HS6ST3: variants seen among roughly 807,000 people sequenced by gnomAD.
The protein encoded by HS6ST3 is heparan sulfate 6-O-sulfotransferase 3.
In HS6ST3, 12 loss-of-function variants were observed where a neutral mutation model predicts 36.7. That is an observed-to-expected ratio of 0.33 (90% CI 0.21 to 0.53). The LOEUF (loss-of-function observed/expected upper bound fraction) is 0.53, where lower values mean the gene tolerates loss of function less well. Ranked by LOEUF, HS6ST3 falls within the 20% of genes least tolerant of loss-of-function variation. The pLI is 0.95. For missense variants in HS6ST3, 584 were observed against 640.9 expected (o/e 0.91, Z 0.96); for synonymous variants, 240 against 257.5 (o/e 0.93, Z 0.65).
chr13:96,788,026 A>T (rs1877694177), intron 1 of HS6ST3, among the ~76,000 whole-genome samples: 1 of 151,864 alleles, frequency 6.6e-6, no homozygotes, highest in Non-Finnish European at 1.5e-5. Context: ...CCTCCATTTA[A>T]TTGTTTTTTC....
intron 1 of HS6ST3, among the ~76,000 whole-genome samples, chr13:96,708,728 C>A (rs898234385): frequency 2.6e-5 from 4 of 152,188 alleles, no homozygotes; most frequent in African/African-American, 4.8e-5. Flanking sequence ...AGATTCAGTT[C>A]TTTTCAACTC....
At chr13:96,313,389 T>C (rs939969001) in intron 1 of HS6ST3, among the ~76,000 whole-genome samples, 1 of 151,942 alleles carries the variant, frequency 6.6e-6, no homozygotes, top group Admixed American at 6.6e-5. Flanking sequence ...ATCCCTATCA[T>C]GTTTAAAGGC....
intron 1 of HS6ST3, among the ~76,000 whole-genome samples, chr13:96,557,600 A>C (rs2056245844): frequency 6.6e-6 from 1 of 152,070 alleles, no homozygotes; most frequent in Admixed American, 6.6e-5. Context: ...TTGCAAGTAC[A>C]TGAAGAATAA....
intron 1 of HS6ST3, among the ~76,000 whole-genome samples, chr13:96,478,188 A>C (rs2055873361): frequency 6.6e-6 from 1 of 152,152 alleles, no homozygotes; most frequent in South Asian, 2.1e-4. Flanking sequence ...ACTGATGGGA[A>C]CATTGGAAGA....
At chr13:96,526,729 T>G (rs2056115896) in intron 1 of HS6ST3, among the ~76,000 whole-genome samples, 1 of 152,222 alleles carries the variant, frequency 6.6e-6, no homozygotes, top group Non-Finnish European at 1.5e-5. Flanking sequence ...CATAAGTTTT[T>G]CTTCATATCA....
At chr13:96,706,821 G>A (rs183258726) in intron 1 of HS6ST3, among the ~76,000 whole-genome samples, 1 of 152,214 alleles carries the variant, frequency 6.6e-6, no homozygotes, top group Admixed American at 6.5e-5. Flanking sequence ...GTCTAGTTCT[G>A]ATTGTACCAA....
intron 1 of HS6ST3, among the ~76,000 whole-genome samples, chr13:96,177,359 A>G (rs1467500269): frequency 6.6e-6 from 1 of 152,186 alleles, no homozygotes; most frequent in African/African-American, 2.4e-5. Context: ...TAGCAAAGAC[A>G]TGGAATCCAC....
chr13:96,183,435 CTCT>C (rs1309667364), intron 1 of HS6ST3, among the ~76,000 whole-genome samples: 2 of 152,148 alleles, frequency 1.3e-5, no homozygotes, highest in African/African-American at 2.4e-5. Context: ...TGTTTTTCAA[CTCT>C]TCTTTCCAGT....
At chr13:96,333,871 A>C (rs906637830) in intron 1 of HS6ST3, among the ~76,000 whole-genome samples, 2 of 152,180 alleles carry the variant, frequency 1.3e-5, no homozygotes, top group African/African-American at 4.8e-5. Flanking sequence ...ACAGGGTAAC[A>C]GCAAGCTGGA....
At chr13:96,560,551 A>C (rs555694803) in intron 1 of HS6ST3, among the ~76,000 whole-genome samples, 1 of 152,312 alleles carries the variant, frequency 6.6e-6, no homozygotes, top group African/African-American at 2.4e-5. Flanking sequence ...AAGAAGTAAA[A>C]ATTCATCCAA....
intron 1 of HS6ST3, among the ~76,000 whole-genome samples, chr13:96,508,366 CT>C (rs2056035232): frequency 1.3e-5 from 2 of 152,036 alleles, no homozygotes; most frequent in Non-Finnish European, 2.9e-5. Flanking sequence ...TCCACAACCC[CT>C]GGCATAATTT....
At chr13:96,520,614 G>A (rs2056089426) in intron 1 of HS6ST3, among the ~76,000 whole-genome samples, 1 of 152,070 alleles carries the variant, frequency 6.6e-6, no homozygotes, top group Non-Finnish European at 1.5e-5. Flanking sequence ...TCTCTCAGTA[G>A]CAATTGTGAA....
At chr13:96,316,029 G>A (rs2054967265) in intron 1 of HS6ST3, among the ~76,000 whole-genome samples, 2 of 152,126 alleles carry the variant, frequency 1.3e-5, no homozygotes, top group African/African-American at 2.4e-5. Context: ...TCATTATTGT[G>A]TTGATATTTA....
In HS6ST3 at chr13:96,764,400, C is replaced by A. The variant is rs528926225; in HGVS notation, c.708-68090C>A. Among the ~76,000 whole-genome samples the A allele has an allele frequency of 7.7e-4, 118 of 152,292 alleles. 1 individual carries two copies. Among genetic ancestry groups the A allele is most frequent in the Middle Eastern group, 3.4e-3 (1 of 294 alleles). On this transcript the variant is annotated intron_variant, in intron 1 of 1. Coordinates refer to ENST00000376705, the MANE Select transcript of HS6ST3 (RefSeq NM_153456.4). ...GCTTCCCAAAGCACCTGAAACCAAG[C>A]CTCATTATCATTTCTTTAAATAGAT... is the stretch of plus-strand genomic sequence containing the variant.
rs1336681058 is a variant in HS6ST3, at chr13:96,837,621, A to G, written c.*4423A>G. On this transcript the variant is annotated 3_prime_UTR_variant, in exon 2 of 2. Transcript: ENST00000376705. ...AATGCCAAAGACACTGGTCAAGTTT[A>G]CTCTCAGCTCCCTACCTCCAGTGAG... is the stretch of plus-strand genomic sequence containing the variant. 1 of 152,120 alleles carries G rather than the reference A, an allele frequency of 6.6e-6. No homozygotes were observed. The highest frequency in any genetic ancestry group is 6.6e-5 in the Admixed American group (1 of 15,264). The allele number at this position is 152,120 out of a possible 1,614,324, so 9.4% of individuals were successfully genotyped here.
chr13:96,750,468 A>G (rs896725424), intron 1 of HS6ST3, among the ~76,000 whole-genome samples: 12 of 152,238 alleles, frequency 7.9e-5, no homozygotes, highest in African/African-American at 2.7e-4. Context: ...GCGAAGATAA[A>G]GGCATAAGCC....
chr13:96,515,445 C>T (rs1475649035), intron 1 of HS6ST3, among the ~76,000 whole-genome samples: 1 of 152,194 alleles, frequency 6.6e-6, no homozygotes, highest in Non-Finnish European at 1.5e-5. Flanking sequence ...TTATTCTTTC[C>T]TGCACATGCA....
intron 1 of HS6ST3, among the ~76,000 whole-genome samples, chr13:96,319,415 T>C (rs1566322963): frequency 6.6e-6 from 1 of 152,244 alleles, no homozygotes; most frequent in Non-Finnish European, 1.5e-5. Context: ...ATTTGGGTTG[T>C]TTGAATGTTT....
At chr13:96,689,733 AAG>A (rs1261456611) in intron 1 of HS6ST3, among the ~76,000 whole-genome samples, 39 of 151,574 alleles carry the variant, frequency 2.6e-4, no homozygotes, top group South Asian at 1.3e-3. Flanking sequence ...ATGTGAAGAA[AAG>A]AGAGCGGCTG....
Sources: gnomAD v4.1 joint callset for allele counts (sites outside exome capture counted in the v4.1 genomes callset) on GRCh38, gnomAD v4.1.1 for gene constraint, MANE v1.5 for transcripts, NCBI Gene and HGNC (gene_info 2026-07-23, HGNC 2026-07-21) for gene names.